The following PREX1 variants were observed in gnomAD, a reference collection of about 807,000 sequenced individuals.
The protein encoded by PREX1 is phosphatidylinositol 3,4,5-trisphosphate-dependent Rac exchanger 1 protein.
A neutral mutation model predicts 198.3 loss-of-function variants in PREX1; 41 were observed. The ratio of observed to expected loss-of-function variants is 0.21; its 90% confidence interval spans 0.16 to 0.27. The LOEUF is 0.27. Among genes scored for constraint, PREX1 ranks in the 10% least tolerant of loss-of-function variants. The pLI is 1.00. For missense variants in PREX1, 1,620 were observed against 2,200.7 expected, an observed-to-expected ratio of 0.74 and a Z score of 5.28; for synonymous variants, 843 against 887.2, an observed-to-expected ratio of 0.95 and a Z score of 0.89.
chr20:48,741,662 C>T (rs569643951), intron 3 of PREX1, among the ~76,000 whole-genome samples: 124 of 152,218 alleles, frequency 8.1e-4, no homozygotes, highest in Admixed American at 3.9e-3. Context: ...AAGGGTGATG[C>T]GGACTGTTCT....
chr20:48,804,883 C>T (rs956483604), intron 1 of PREX1, among the ~76,000 whole-genome samples: 5 of 152,074 alleles, frequency 3.3e-5, no homozygotes, highest in Non-Finnish European at 7.4e-5. Context: ...AGGAGGGGGC[C>T]GCAAGAGGAG....
intron 1 of PREX1, among the ~76,000 whole-genome samples, chr20:48,755,921 T>C (rs930858757): frequency 6.6e-6 from 1 of 152,180 alleles, no homozygotes; most frequent in African/African-American, 2.4e-5. Context: ...CATGTTTTTA[T>C]TTTTCTGGAT....
intron 1 of PREX1, among the ~76,000 whole-genome samples, chr20:48,781,128 G>C (rs1476139279): frequency 1.3e-5 from 2 of 152,080 alleles, no homozygotes; most frequent in African/African-American, 4.8e-5. Context: ...GAGACTAAGG[G>C]GCCATGCTAT....
chr20:48,700,820 C>T lies in PREX1; in HGVS notation c.850G>A (p.Gly284Ser). The T allele has an allele frequency of 6.2e-7, 1 of 1,614,136 alleles. No homozygotes were observed. The highest frequency in any genetic ancestry group is 1.1e-5 in the South Asian group (1 of 91,078). Residue 284 changes from glycine (G) to serine (S), a missense_variant, in exon 7 of 40, where the codon GGC becomes AGC. By Grantham distance (56) the Gly-to-Ser change is moderately conservative. This residue lies in a region of PREX1 where 488 missense variants were observed against 802.5 expected (regional missense o/e 0.61). Coordinates refer to ENST00000371941, the MANE Select transcript of PREX1 (RefSeq NM_020820.4). ...AAGAAGGCCCTTTCCTGGATGTTGCCCGCAGAGATCTTTAACAAAGTCCCT... is the reference window on the plus strand; with the variant it reads ...AAGAAGGCCCTTTCCTGGATGTTGCTCGCAGAGATCTTTAACAAAGTCCCT... Reference protein sequence around the residue: ...LQGTLLKISAGNIQERAFFLF... With the variant: ...LQGTLLKISASNIQERAFFLF...
the PREX1 span, among the ~76,000 whole-genome samples, chr20:48,875,282 G>C: frequency 6.6e-6 from 1 of 152,186 alleles, no homozygotes; most frequent in African/African-American, 2.4e-5. Flanking sequence ...AGAGATCCCC[G>C]CAGAGGGAAC....
At chr20:48,793,855 T>G (rs534306414) in intron 1 of PREX1, among the ~76,000 whole-genome samples, 1 of 152,338 alleles carries the variant, frequency 6.6e-6, no homozygotes, top group Admixed American at 6.5e-5. Flanking sequence ...CTCACAGTGG[T>G]CCACTCCCAG....
chr20:48,723,063 G>A (rs1438918071), intron 5 of PREX1, among the ~76,000 whole-genome samples: 1 of 152,222 alleles, frequency 6.6e-6, no homozygotes, highest in Non-Finnish European at 1.5e-5. Context: ...CCTGGGCCTC[G>A]GCTGAGGAGT....
At chr20:48,854,584 C>A in the PREX1 span, among the ~76,000 whole-genome samples, 1,934 of 152,092 alleles carry the variant, frequency 0.013, 38 homozygotes, top group African/African-American at 0.044. Flanking sequence ...CTAAAAAAAA[C>A]CACATGTACT....
In PREX1 at chr20:48,656,577, T is replaced by G. The variant is rs964711054; in HGVS notation, c.2123+463A>C. On this transcript the variant is annotated intron_variant, in intron 18 of 39. Coordinates refer to ENST00000371941, the MANE Select transcript of PREX1 (RefSeq NM_020820.4). ...GCTGCTTCCCCTGCCTGGAGCCCTC[T>G]TCCTCCAGAAATCCCCTTGACTCCC... The G allele has an allele frequency of 8.8e-6, 4 of 456,696 alleles. No individual in the cohort carries two copies. The Admixed American group carries it at 9.4e-5, about 11-fold the overall frequency. The allele number at this position is 456,696 out of a possible 1,614,324, so 28.3% of individuals were successfully genotyped here.
intron 10 of PREX1, among the ~76,000 whole-genome samples, chr20:48,683,692 C>T (rs569363839): frequency 2.0e-5 from 3 of 152,166 alleles, no homozygotes; most frequent in South Asian, 2.1e-4. Flanking sequence ...AGAAGACGAA[C>T]GCATCTAACA....
intron 13 of PREX1, 119 bp from the exon 14 acceptor site, chr20:48,676,387 T>C (rs1159788757): frequency 9.9e-6 from 9 of 908,990 alleles, no homozygotes; most frequent in Admixed American, 1.9e-5. Context: ...TCTCTAGGCA[T>C]TGGGCAGGGG....
chr20:48,812,058 C>T (rs1341847834), intron 1 of PREX1, among the ~76,000 whole-genome samples: 1 of 152,208 alleles, frequency 6.6e-6, no homozygotes, highest in Non-Finnish European at 1.5e-5. Flanking sequence ...CTTCCAGCTC[C>T]AACAGCCGGT....
intron 1 of PREX1, among the ~76,000 whole-genome samples, chr20:48,783,557 G>T (rs562214521): frequency 2.0e-5 from 3 of 152,134 alleles, no homozygotes; most frequent in African/African-American, 7.2e-5. Flanking sequence ...GAAGAGAAGA[G>T]GCCCACAGGT....
At position 48,742,931 on chromosome 20, in the gene PREX1, G is replaced by A. The variant is rs374660063; in HGVS notation, c.414+2094C>T. 1.5e-3 allele frequency among the ~76,000 whole-genome samples: 236 copies of A among 152,292 alleles called. 17 individuals are homozygous for A. The South Asian group carries it at 0.048, about 31-fold the overall frequency. ...CAGGGCTTTTGGCAAACTGGACAGT[G>A]CACCTTGAGGACCCTTTCTCCCACT... On this transcript the variant is annotated intron_variant, in intron 3 of 39. Transcript: ENST00000371941.
intron 3 of PREX1, among the ~76,000 whole-genome samples, chr20:48,742,902 G>A (rs922661793): frequency 2.0e-5 from 3 of 152,148 alleles, no homozygotes; most frequent in East Asian, 1.9e-4. Flanking sequence ...GGAATGAGGG[G>A]GGCCAGGGCT....
intron 24 of PREX1, 135 bp downstream of exon 24, chr20:48,649,861 T>G: frequency 9.2e-7 from 1 of 1,081,390 alleles, no homozygotes; most frequent in Non-Finnish European, 1.4e-6. Context: ...TGCTGTCCCA[T>G]AAAGAGAGAA....
At chr20:48,636,161 C>G (rs543247213) in intron 32 of PREX1, among the ~76,000 whole-genome samples, 116 of 152,326 alleles carry the variant, frequency 7.6e-4, no homozygotes, top group Admixed American at 6.3e-3. Flanking sequence ...CAAGTGTCCC[C>G]TAGTGGGGAA....
At chr20:48,723,619 G>T (rs932452567) in intron 5 of PREX1, among the ~76,000 whole-genome samples, 1 of 152,220 alleles carries the variant, frequency 6.6e-6, no homozygotes, top group African/African-American at 2.4e-5. Flanking sequence ...CGGAGCGCAA[G>T]TGGGCAGAGT....
At position 48,636,662 on chromosome 20, in the gene PREX1, C is replaced by A; in HGVS notation, c.3968G>T (p.Arg1323Ile). 1 of 1,607,494 alleles carries A rather than the reference C, an allele frequency of 6.2e-7. No individual in the cohort carries two copies. Among genetic ancestry groups the A allele is most frequent in the South Asian group, 1.1e-5 (1 of 90,482 alleles). Residue 1323 changes from arginine (R) to isoleucine (I), a missense_variant, in exon 32 of 40, where the codon AGA (arginine) becomes ATA (isoleucine). Around this residue, in one of 7 missense-constraint regions of PREX1, gnomAD observed 476 missense variants for 603.4 expected, o/e 0.79. Coordinates refer to ENST00000371941, the MANE Select transcript of PREX1 (RefSeq NM_020820.4). ...CAGGGCCTGGCAGAAGATCGCGTCT[C>A]TGCGCAGCTGCAGCTCCGTGTCTGG... The part of the protein sequence containing the change: ...KCTDTELQLR[R>I]DAIFCQALVA...
Sources: allele counts gnomAD v4.1 joint callset (sites outside exome capture counted in the v4.1 genomes callset), GRCh38; gene constraint gnomAD v4.1.1; regional missense constraint gnomAD v4.1.1; transcripts MANE v1.5; gene names NCBI Gene and HGNC (gene_info 2026-07-23, HGNC 2026-07-21).